Variants in ZNF169 observed in about 807,000 individuals in gnomAD.
ZNF169 encodes zinc finger protein 169.
Under a neutral mutation model 12.0 loss-of-function variants are expected in ZNF169, and 11 were observed. That is an observed-to-expected ratio of 0.92 (90% CI 0.58 to 1.52). The LOEUF (loss-of-function observed/expected upper bound fraction) is 1.52, where lower values mean the gene tolerates loss of function less well. ZNF169 is among the 40% of genes most tolerant of loss of function. ZNF169 has a pLI of 0.00. For missense variants in ZNF169, 722 were observed against 744.0 expected (o/e 0.97, Z 0.34); for synonymous variants, 302 against 286.5 (o/e 1.05, Z -0.55).
chr9:94,265,665 T>C (rs1453442386), intron 1 of ZNF169, among the ~76,000 whole-genome samples: 2 of 152,044 alleles, frequency 1.3e-5, no homozygotes, highest in African/African-American at 4.8e-5. Flanking sequence ...TCTAAATACA[T>C]AAGTGATTAA....
intron 1 of ZNF169, among the ~76,000 whole-genome samples, chr9:94,275,136 C>T (rs1176704306): frequency 6.6e-6 from 1 of 152,178 alleles, no homozygotes; most frequent in Non-Finnish European, 1.5e-5. Flanking sequence ...ACTCTGGCGG[C>T]TGAGGCAAGA....
chr9:94,259,573 C>T (rs1054809595), intron 1 of ZNF169, among the ~76,000 whole-genome samples: 1 of 152,178 alleles, frequency 6.6e-6, no homozygotes, highest in Non-Finnish European at 1.5e-5. Context: ...GGCGTTGTCG[C>T]GTGCTTCTGG....
intron 2 of ZNF169, chr9:94,288,051 C>T (rs1830752200): frequency 1.3e-6 from 1 of 779,918 alleles, no homozygotes; most frequent in Non-Finnish European, 2.3e-6. Context: ...TACACTGTTG[C>T]TCTAGGTCAC....
Position 94,299,705 on chromosome 9 carries a change from G to A in ZNF169, c.257-110G>A, listed in dbSNP as rs1014704682. 9.4e-6 allele frequency: 14 copies of A among 1,483,350 alleles called. No homozygotes were observed. In the African/African-American group the frequency reaches 2.0e-4, roughly 21 times the overall value. The allele number at this position is 1,483,350 out of a possible 1,614,324, so 91.9% of individuals were successfully genotyped here. Reference sequence around the variant, plus strand: ...GCAATAGAGCATGTAATGTGCCCTTGTGGGTTGGAAGATAAGTCTTTGTTG... The same window carrying A: ...GCAATAGAGCATGTAATGTGCCCTTATGGGTTGGAAGATAAGTCTTTGTTG... On this transcript the variant is annotated intron_variant, in intron 4 of 4. Transcript: ENST00000395395.
chr9:94,300,423 C>T lies in ZNF169; in HGVS notation c.865C>T (p.Pro289Ser). The change falls in exon 5 of 5, where the codon CCG becomes TCG. Residue 289 changes from proline to serine, a missense_variant. By Grantham distance (74) the Pro-to-Ser change is moderately conservative. Coordinates refer to ENST00000395395, the MANE Select transcript of ZNF169 (RefSeq NM_194320.4). ...IHQRKHSGEK[P>S]YVCRECGRHF... is the part of the protein sequence containing the mutation. ...CCAGAGGAAGCACTCGGGGGAGAAG[C>T]CGTATGTGTGCAGGGAATGTGGGCG... is the stretch of plus-strand genomic sequence containing the variant. The T allele has an allele frequency of 6.2e-7, 1 of 1,613,894 alleles. No individual in the cohort carries two copies.
At chr9:94,288,157 C>T (rs1164499804) in intron 2 of ZNF169, 3 of 807,878 alleles carry the variant, frequency 3.7e-6, no homozygotes, top group East Asian at 2.6e-5. Flanking sequence ...CCAGCAATGT[C>T]AAAATCCATG....
chr9:94,300,538 T>G lies in ZNF169; in HGVS notation c.980T>G (p.Phe327Cys). The change falls in exon 5 of 5, where the codon TTT (phenylalanine) becomes TGT (cysteine). Residue 327 changes from phenylalanine (F) to cysteine (C), a missense_variant. Physicochemically the swap from Phe to Cys is radical, Grantham distance 205. Coordinates refer to ENST00000395395, the MANE Select transcript of ZNF169 (RefSeq NM_194320.4). Reference protein sequence around the residue: ...PFVCQECGRGFRQKIALLLHQ... With the variant: ...PFVCQECGRGCRQKIALLLHQ... ...GTATGTCAGGAGTGTGGGCGAGGCT[T>G]TCGCCAGAAGATAGCCCTCCTTCTA... 1.9e-6 allele frequency: 3 copies of G among 1,614,014 alleles called. No individual in the cohort carries two copies. The highest frequency in any genetic ancestry group is 2.5e-6 in the Non-Finnish European group (3 of 1,179,960).
chr9:94,300,918 G>C lies in ZNF169; in HGVS notation c.1360G>C (p.Gly454Arg). The C allele has an allele frequency of 1.2e-6, 2 of 1,613,976 alleles. No individual in the cohort carries two copies. The highest frequency in any genetic ancestry group is 1.1e-5 in the South Asian group (1 of 91,070). ...CATTGGACACCAGAGGACACACACA[G>C]GGGAGAAGCCCTACCTGTGCCCTGA... Reference protein sequence around the residue: ...TLIGHQRTHTGEKPYLCPDCG... With the variant: ...TLIGHQRTHTREKPYLCPDCG... The change falls in exon 5 of 5, where the codon GGG becomes CGG. Residue 454 changes from glycine (G) to arginine (R), a missense_variant. Coordinates refer to ENST00000395395, the MANE Select transcript of ZNF169 (RefSeq NM_194320.4).
chr9:94,266,326 A>G lies in ZNF169; in HGVS notation c.-56+6981A>G, dbSNP rs150193471. On this transcript the variant is annotated intron_variant, in intron 1 of 4. Transcript: ENST00000395395. ...TATCATGCTTGTATATTTATTTGTC[A>G]CAAGAATTGTAGGGAGATGGGGCAT... 8.9e-4 allele frequency among the ~76,000 whole-genome samples: 135 copies of G among 152,282 alleles called. 2 individuals carry two copies. The East Asian group carries it at 0.023, about 26-fold the overall frequency.
chr9:94,300,551 A>G lies in ZNF169; in HGVS notation c.993A>G (p.Ile331Met). ...GTGGGCGAGGCTTTCGCCAGAAGAT[A>G]GCCCTCCTTCTACACCAGAGGACGC... ...QECGRGFRQKIALLLHQRTHL... is the reference protein window; with the variant it reads ...QECGRGFRQKMALLLHQRTHL... Residue 331 changes from isoleucine (I) to methionine (M), a missense_variant, in exon 5 of 5, where the codon ATA becomes ATG. Ile to Met is a conservative substitution (Grantham distance 10). Coordinates refer to ENST00000395395, the MANE Select transcript of ZNF169 (RefSeq NM_194320.4). 6 of 1,613,758 alleles carry G rather than the reference A, an allele frequency of 3.7e-6. No homozygotes were observed. The highest frequency in any genetic ancestry group is 5.1e-6 in the Non-Finnish European group (6 of 1,179,890).
At chr9:94,292,055 A>G (rs1830851055) in intron 2 of ZNF169, among the ~76,000 whole-genome samples, 1 of 152,240 alleles carries the variant, frequency 6.6e-6, no homozygotes, top group African/African-American at 2.4e-5. Context: ...ATAAAGTGAG[A>G]GGAATCGGTT....
intron 4 of ZNF169, among the ~76,000 whole-genome samples, chr9:94,298,852 G>A (rs9409510): frequency 0.68 from 103,109 of 152,036 alleles, 35,606 homozygotes; most frequent in East Asian, 0.97. Context: ...GGGAATTAGT[G>A]TTATCTCCAA....
intron 1 of ZNF169, among the ~76,000 whole-genome samples, chr9:94,273,649 G>A (rs963294822): frequency 7.2e-6 from 1 of 139,844 alleles, no homozygotes. Context: ...GCACCATCTC[G>A]GCTCACTGCC....
At chr9:94,266,884 C>T (rs1830301775) in intron 1 of ZNF169, among the ~76,000 whole-genome samples, 1 of 150,242 alleles carries the variant, frequency 6.7e-6, no homozygotes, top group Non-Finnish European at 1.5e-5. Context: ...GTATACAGTG[C>T]AGAAAGAATA....
intron 1 of ZNF169, among the ~76,000 whole-genome samples, chr9:94,274,118 G>C (rs887372770): frequency 6.6e-6 from 1 of 152,108 alleles, no homozygotes; most frequent in African/African-American, 2.4e-5. Flanking sequence ...CTTCCCACCG[G>C]AAGTTTTTAT....
At chr9:94,274,764 A>G (rs1270765875) in intron 1 of ZNF169, among the ~76,000 whole-genome samples, 1 of 152,192 alleles carries the variant, frequency 6.6e-6, no homozygotes, top group African/African-American at 2.4e-5. Flanking sequence ...ATGAGACATC[A>G]ATCAAATACA....
chr9:94,292,638 T>TGCGC (rs1410109102), intron 3 of ZNF169, 171 bp downstream of exon 3: 6 of 824,738 alleles, frequency 7.3e-6, no homozygotes, highest in African/African-American at 3.6e-5. Flanking sequence ...TGTGTGTGTG[T>TGCGC]GTGCGCGTGC....
At chr9:94,285,800 G>A (rs1294997152) in intron 2 of ZNF169, among the ~76,000 whole-genome samples, 7 of 151,934 alleles carry the variant, frequency 4.6e-5, no homozygotes, top group Non-Finnish European at 7.4e-5. Context: ...ACCTGAGGTC[G>A]GGCGTTCGAG....
intron 1 of ZNF169, among the ~76,000 whole-genome samples, chr9:94,276,627 C>T (rs1830524693): frequency 6.6e-6 from 1 of 151,940 alleles, no homozygotes; most frequent in African/African-American, 2.4e-5. Flanking sequence ...CTCCTGACCT[C>T]GTCATCCATC....
Sources: gnomAD v4.1 joint callset for allele counts (sites outside exome capture counted in the v4.1 genomes callset) on GRCh38, gnomAD v4.1.1 for gene constraint, MANE v1.5 for transcripts, NCBI Gene and HGNC (gene_info 2026-07-23, HGNC 2026-07-21) for gene names.